The following CSNK2A2IP variants were observed in gnomAD, a reference collection of about 807,000 sequenced individuals.
CSNK2A2IP encodes the protein casein kinase II subunit alpha'-interacting protein.
At chr3:88,397,783 A>G in the CSNK2A2IP span, among the ~76,000 whole-genome samples, 1 of 151,932 alleles carries the variant, frequency 6.6e-6, no homozygotes, top group Admixed American at 6.6e-5. Context: ...TTTCAAAATA[A>G]CATCACAGTT....
At chr3:88,441,699 T>C in the CSNK2A2IP span, among the ~76,000 whole-genome samples, 1 of 152,200 alleles carries the variant, frequency 6.6e-6, no homozygotes. Flanking sequence ...GAAATTATCA[T>C]GCCATTTCTA....
At chr3:88,434,059 C>A in the CSNK2A2IP span, among the ~76,000 whole-genome samples, 1 of 151,914 alleles carries the variant, frequency 6.6e-6, no homozygotes, top group Non-Finnish European at 1.5e-5. Flanking sequence ...TCAACAGGAA[C>A]AAAATTTAGA....
At chr3:88,367,280 T>C in the CSNK2A2IP span, among the ~76,000 whole-genome samples, 1 of 152,092 alleles carries the variant, frequency 6.6e-6, no homozygotes, top group Non-Finnish European at 1.5e-5. Context: ...AAGCCAAAGC[T>C]TCATTTGTGA....
chr3:88,387,114 G>T, the CSNK2A2IP span, among the ~76,000 whole-genome samples: 1 of 150,930 alleles, frequency 6.6e-6, no homozygotes, highest in Non-Finnish European at 1.5e-5. Context: ...GTTAATTTCA[G>T]CATTGCAACA....
At chr3:88,384,211 A>G in the CSNK2A2IP span, among the ~76,000 whole-genome samples, 85 of 152,218 alleles carry the variant, frequency 5.6e-4, no homozygotes, top group Admixed American at 3.2e-3. Flanking sequence ...AATACATAAA[A>G]CAAGATAAAC....
chr3:88,437,496 C>A, the CSNK2A2IP span, among the ~76,000 whole-genome samples: 1 of 152,142 alleles, frequency 6.6e-6, no homozygotes, highest in Non-Finnish European at 1.5e-5. Context: ...TGATTATAGA[C>A]CAAGAAGAGA....
At chr3:88,384,790 A>C in the CSNK2A2IP span, among the ~76,000 whole-genome samples, 2 of 152,310 alleles carry the variant, frequency 1.3e-5, no homozygotes, top group Admixed American at 6.5e-5. Flanking sequence ...AGATAATAGA[A>C]ACAAGAGAAG....
chr3:88,344,015 T>C, the CSNK2A2IP span, among the ~76,000 whole-genome samples: 9 of 152,008 alleles, frequency 5.9e-5, no homozygotes, highest in African/African-American at 2.2e-4. Context: ...ATAAGAATAT[T>C]TCCACAATGT....
At chr3:88,374,995 C>G in the CSNK2A2IP span, among the ~76,000 whole-genome samples, 1 of 151,588 alleles carries the variant, frequency 6.6e-6, no homozygotes, top group African/African-American at 2.4e-5. Flanking sequence ...CATAGAGTAG[C>G]CTCCACAACC....
the CSNK2A2IP span, among the ~76,000 whole-genome samples, chr3:88,394,891 G>C: frequency 6.6e-6 from 1 of 152,164 alleles, no homozygotes; most frequent in Non-Finnish European, 1.5e-5. Flanking sequence ...GAGAGGAGAG[G>C]GTGGGAGGAG....
the CSNK2A2IP span, among the ~76,000 whole-genome samples, chr3:88,440,296 G>C: frequency 6.6e-6 from 1 of 152,132 alleles, no homozygotes; most frequent in Non-Finnish European, 1.5e-5. Context: ...TTTTGGAGTT[G>C]AGTTTTTTTT....
chr3:88,367,044 C>A, the CSNK2A2IP span, among the ~76,000 whole-genome samples: 1 of 152,044 alleles, frequency 6.6e-6, no homozygotes, highest in Non-Finnish European at 1.5e-5. Flanking sequence ...CAGGGTCCCT[C>A]CCACAATACA....
the CSNK2A2IP span, among the ~76,000 whole-genome samples, chr3:88,403,761 A>G: frequency 1.3e-5 from 2 of 152,154 alleles, no homozygotes; most frequent in African/African-American, 2.4e-5. Flanking sequence ...TTCAAAGAAT[A>G]TAAGAACTGT....
chr3:88,361,096 G>T, the CSNK2A2IP span, among the ~76,000 whole-genome samples: 1 of 151,798 alleles, frequency 6.6e-6, no homozygotes, highest in Non-Finnish European at 1.5e-5. Flanking sequence ...ATTATTTTTG[G>T]TAGATTTGTC....
the CSNK2A2IP span, among the ~76,000 whole-genome samples, chr3:88,454,769 T>G: frequency 1.3e-5 from 2 of 151,966 alleles, no homozygotes; most frequent in Middle Eastern, 3.2e-3. Context: ...TATCAACTCA[T>G]AGTTACCATT....
the CSNK2A2IP span, among the ~76,000 whole-genome samples, chr3:88,424,699 C>A: frequency 1.3e-5 from 2 of 152,058 alleles, no homozygotes; most frequent in African/African-American, 4.8e-5. Context: ...AATTCAGGAA[C>A]AAACAATTTC....
At chr3:88,383,895 C>A in the CSNK2A2IP span, among the ~76,000 whole-genome samples, 2 of 152,194 alleles carry the variant, frequency 1.3e-5, no homozygotes, top group African/African-American at 2.4e-5. Flanking sequence ...GATCTCCTGA[C>A]CTTGTGATCT....
At chr3:88,418,107 A>C in the CSNK2A2IP span, among the ~76,000 whole-genome samples, 1 of 115,184 alleles carries the variant, frequency 8.7e-6, no homozygotes, top group Non-Finnish European at 2.1e-5. Context: ...TTGTACGTAT[A>C]AGAAAATCCA....
the CSNK2A2IP span, among the ~76,000 whole-genome samples, chr3:88,367,809 G>T: frequency 1.3e-5 from 2 of 152,028 alleles, no homozygotes; most frequent in Non-Finnish European, 2.9e-5. Context: ...AAGGCTGGTT[G>T]AACTAAACCT....
Sources: allele counts gnomAD v4.1 joint callset (sites outside exome capture counted in the v4.1 genomes callset), GRCh38; gene constraint gnomAD v4.1.1; transcripts MANE v1.5; gene names NCBI Gene and HGNC (gene_info 2026-07-23, HGNC 2026-07-21).